The following SIGLEC7 variants were observed in gnomAD, a reference collection of about 807,000 sequenced individuals.
SIGLEC7 encodes the protein sialic acid-binding Ig-like lectin 7.
SIGLEC7 carries 33 observed loss-of-function variants against 40.8 expected under a neutral mutation model. That is an observed-to-expected ratio of 0.81 (90% CI 0.61 to 1.08). The LOEUF (loss-of-function observed/expected upper bound fraction) is 1.08. Among genes scored for constraint, SIGLEC7 ranks in the 50% least tolerant of loss-of-function variants. The pLI, the probability that SIGLEC7 is intolerant of heterozygous loss-of-function variation, is 0.00. For synonymous variants in SIGLEC7, 242 were observed against 237.6 expected (o/e 1.02, Z -0.17); for missense variants, 513 against 576.1 (o/e 0.89, Z 1.12).
chr19:51,150,896 C>T (rs111708762), intron 6 of SIGLEC7, among the ~76,000 whole-genome samples: 2,041 of 152,266 alleles, frequency 0.013, 55 homozygotes, highest in African/African-American at 0.045. Flanking sequence ...TGAATTGTGT[C>T]TGACTGCACA....
In SIGLEC7 at chr19:51,142,514, T is replaced by C. The variant is rs147827274; in HGVS notation, c.145T>C (p.Ser49Pro). ...GMCVHVRCSFSYPVDSQTDSD... is the reference protein window; with the variant it reads ...GMCVHVRCSFPYPVDSQTDSD... Reference sequence around the variant, plus strand: ...GTGTGTCCATGTGCGCTGCTCCTTCTCCTACCCAGTGGACAGCCAGACTGA... The same window carrying C: ...GTGTGTCCATGTGCGCTGCTCCTTCCCCTACCCAGTGGACAGCCAGACTGA... The change falls in exon 1 of 7, where the codon TCC (serine) becomes CCC (proline). Residue 49 changes from serine (S) to proline (P), a missense_variant. By Grantham distance (74) the Ser-to-Pro change is moderately conservative (BLOSUM62 -1). Transcript: ENST00000317643. This position sits in a 1 kb window ranked among gnomAD's most constrained non-coding sequence, Gnocchi z 5.0. The C allele has an allele frequency of 1.2e-6, 2 of 1,614,154 alleles. No individual in the cohort carries two copies. Among genetic ancestry groups the C allele is most frequent in the Non-Finnish European group, 1.7e-6 (2 of 1,180,022 alleles).
At chr19:51,152,285 C>G (rs1305852301) in intron 6 of SIGLEC7, among the ~76,000 whole-genome samples, 1 of 152,194 alleles carries the variant, frequency 6.6e-6, no homozygotes, top group Non-Finnish European at 1.5e-5. Flanking sequence ...TGTCATTCCA[C>G]TGGGCCCACC....
At chr19:51,152,675 A>G (rs913423048) in intron 6 of SIGLEC7, among the ~76,000 whole-genome samples, 6 of 152,192 alleles carry the variant, frequency 3.9e-5, no homozygotes, top group Non-Finnish European at 7.3e-5. Context: ...TGTGTCCACC[A>G]CAGTCCATCC....
chr19:51,142,446 A>G lies in SIGLEC7; in HGVS notation c.77A>G (p.Tyr26Cys). 6.2e-7 allele frequency: 1 copy of G among 1,614,106 alleles called. No individual in the cohort carries two copies. Among genetic ancestry groups the G allele is most frequent in the Non-Finnish European group, 8.5e-7 (1 of 1,180,008 alleles). The change falls in exon 1 of 7, where the codon TAC (tyrosine) becomes TGC (cysteine). Residue 26 changes from tyrosine to cysteine, a missense_variant. Transcript: ENST00000317643. This position sits in a 1 kb window ranked among gnomAD's most constrained non-coding sequence, Gnocchi z 5.0. ...GGACAGAAGAGTAACCGGAAGGATT[A>G]CTCGCTGACGATGCAGAGTTCCGTG... ...VEGQKSNRKD[Y>C]SLTMQSSVTV... is the part of the protein sequence containing the mutation.
chr19:51,148,798 C>A (rs2122909096), intron 6 of SIGLEC7, among the ~76,000 whole-genome samples: 1 of 152,344 alleles, frequency 6.6e-6, no homozygotes, highest in Non-Finnish European at 1.5e-5. Context: ...AATTTACACT[C>A]CTGCCGACAG....
Position 51,146,983 on chromosome 19 carries a change from G to T in SIGLEC7, c.1124+133G>T, listed in dbSNP as rs564566946. On this transcript the variant is annotated intron_variant, in intron 5 of 6. Transcript: ENST00000317643. ...GCAAGAATGAGCTCACGGGTGCGTG[G>T]CAAGAATTTCAAGAGCGCCCTTGTC... 82 of 1,050,716 alleles carry T rather than the reference G, an allele frequency of 7.8e-5. No individual in the cohort carries two copies. In the East Asian group the frequency reaches 1.8e-3, roughly 22 times the overall value. 65.1% of individuals were successfully genotyped at this position (1,050,716 alleles called of 1,614,324 possible). A position where few individuals can be genotyped will look rare whatever the true frequency, so the allele number is the denominator to read the frequency against.
At position 51,144,899 on chromosome 19, in the gene SIGLEC7, C is replaced by G; in HGVS notation, c.713-13C>G. 6.2e-7 allele frequency: 1 copy of G among 1,613,976 alleles called. No homozygotes were observed. The highest frequency in any genetic ancestry group is 1.1e-5 in the South Asian group (1 of 91,074). ...CTCACAGTGATGCAGGTCTCCATGT[C>G]TTTCTGTCCCAGACCCTCCTCAGAA... is the stretch of plus-strand genomic sequence containing the variant. On this transcript the variant is annotated splice_polypyrimidine_tract_variant and intron_variant, in intron 2 of 6. Coordinates refer to ENST00000317643, the MANE Select transcript of SIGLEC7 (RefSeq NM_014385.4).
chr19:51,146,814 C>G lies in SIGLEC7; in HGVS notation c.1088C>G (p.Ala363Gly). 1 of 1,614,082 alleles carries G rather than the reference C, an allele frequency of 6.2e-7. No homozygotes were observed. Among genetic ancestry groups the G allele is most frequent in the South Asian group, 1.1e-5 (1 of 91,082 alleles). Residue 363 changes from alanine to glycine, a missense_variant, in exon 5 of 7, where the codon GCC (alanine) becomes GGC (glycine). Coordinates refer to ENST00000317643, the MANE Select transcript of SIGLEC7 (RefSeq NM_014385.4). ...LGAVGGAGAT[A>G]LVFLSFCVIF... is the part of the protein sequence containing the mutation. ...GCGGTCGGGGGAGCTGGAGCCACAG[C>G]CCTGGTCTTCCTCTCCTTCTGTGTC... is the stretch of plus-strand genomic sequence containing the variant.
intron 6 of SIGLEC7, among the ~76,000 whole-genome samples, chr19:51,152,396 G>A (rs1431216329): frequency 2.0e-5 from 3 of 152,116 alleles, no homozygotes; most frequent in Non-Finnish European, 1.5e-5. Context: ...AGGTTTCAGG[G>A]GATTAGGGTA....
At chr19:51,150,112 C>G (rs1006689197) in intron 6 of SIGLEC7, among the ~76,000 whole-genome samples, 2 of 152,226 alleles carry the variant, frequency 1.3e-5, no homozygotes, top group Non-Finnish European at 2.9e-5. Context: ...TTAAATTCCT[C>G]TCTTCCTATT....
Position 51,144,413 on chromosome 19 carries a change from C to T in SIGLEC7, c.441C>T (p.Thr147=), listed in dbSNP as rs746078342. The T allele has an allele frequency of 6.2e-7, 1 of 1,608,474 alleles. No homozygotes were observed. The highest frequency in any genetic ancestry group is 1.7e-5 in the Admixed American group (1 of 59,886). The change falls in exon 2 of 7, where the codon ACC becomes ACT. Residue 147 remains threonine (T), a synonymous_variant. Coordinates refer to ENST00000317643, the MANE Select transcript of SIGLEC7 (RefSeq NM_014385.4). ...DQLSVNVTAL[T]HRPNILIPGT... is the part of the protein sequence containing the mutation. ...TCCCCCTCTCTTCACCAGCCTTGAC[C>T]CACAGGCCCAACATCCTTATCCCCG...
chr19:51,153,170 T>C lies in SIGLEC7; in HGVS notation c.1329T>C (p.His443=), dbSNP rs753800139. 4 of 1,609,834 alleles carry C rather than the reference T, an allele frequency of 2.5e-6. No homozygotes were observed. The highest frequency in any genetic ancestry group is 3.4e-5 in the Admixed American group (2 of 59,490). The part of the protein sequence containing the change: ...REIQYAPLSF[H]KGEPQDLSGQ... ...TCCAGTATGCACCCCTCAGCTTTCA[T>C]AAGGGGGAGCCTCAGGACCTATCAG... Residue 443 remains histidine, a synonymous_variant, in exon 7 of 7, where the codon CAT becomes CAC. Coordinates refer to ENST00000317643, the MANE Select transcript of SIGLEC7 (RefSeq NM_014385.4).
At chr19:51,152,008 T>A (rs1417752952) in intron 6 of SIGLEC7, among the ~76,000 whole-genome samples, 2 of 152,182 alleles carry the variant, frequency 1.3e-5, no homozygotes, top group African/African-American at 4.8e-5. Context: ...CAAATTACCA[T>A]GCATTTCCTG....
intron 6 of SIGLEC7, among the ~76,000 whole-genome samples, chr19:51,148,492 T>C (rs1297195966): frequency 3.3e-5 from 5 of 152,226 alleles, no homozygotes; most frequent in Non-Finnish European, 7.3e-5. Flanking sequence ...TCCAGCTCCA[T>C]CCATGTTCCC....
In SIGLEC7 at chr19:51,147,331, G is replaced by C; in HGVS notation, c.1221+14G>C. ...TCAGCCTCTCAGGTGAGTGATATGG[G>C]CGTCTCCACACCCAGCATCCAGCTG... On this transcript the variant is annotated intron_variant, in intron 6 of 6. Transcript: ENST00000317643. 6.2e-7 allele frequency: 1 copy of C among 1,600,896 alleles called. No homozygotes were observed. Among genetic ancestry groups the C allele is most frequent in the Middle Eastern group, 1.7e-4 (1 of 6,000 alleles).
chr19:51,142,868 C>A lies in SIGLEC7; in HGVS notation c.433+66C>A. On this transcript the variant is annotated intron_variant, in intron 1 of 6. Coordinates refer to ENST00000317643, the MANE Select transcript of SIGLEC7 (RefSeq NM_014385.4). This position sits in a 1 kb window ranked among gnomAD's most constrained non-coding sequence, Gnocchi z 5.0. ...TGAGGGCTTTAGGGCACGGCTGAGACGGGACACATGTCCTGGGAGGGGGCC... is the reference window on the plus strand; with the variant it reads ...TGAGGGCTTTAGGGCACGGCTGAGAAGGGACACATGTCCTGGGAGGGGGCC... 2.0e-6 allele frequency: 3 copies of A among 1,481,774 alleles called. No individual in the cohort carries two copies. Among genetic ancestry groups the A allele is most frequent in the Non-Finnish European group, 2.7e-6 (3 of 1,092,818 alleles). The allele number at this position is 1,481,774 out of a possible 1,614,324, so 91.8% of individuals were successfully genotyped here.
intron 1 of SIGLEC7, chr19:51,144,131 T>C: frequency 4.2e-6 from 3 of 715,440 alleles, no homozygotes; most frequent in Admixed American, 1.8e-5. Context: ...TTTGAGGAAC[T>C]ACTACTTCCA....
intron 6 of SIGLEC7, among the ~76,000 whole-genome samples, chr19:51,149,003 T>C (rs935637465): frequency 3.9e-5 from 6 of 152,240 alleles, no homozygotes; most frequent in African/African-American, 1.4e-4. Context: ...TTTGCTCACT[T>C]TTTAATGGGG....
chr19:51,144,226 C>A, intron 1 of SIGLEC7, 180 bp from the exon 2 acceptor site: 1 of 906,436 alleles, frequency 1.1e-6, no homozygotes, highest in Non-Finnish European at 1.7e-6. Flanking sequence ...CTCCAGGAGA[C>A]ACCACAGGGA....
Sources: gnomAD v4.1 joint callset for allele counts (sites outside exome capture counted in the v4.1 genomes callset) on GRCh38, gnomAD v4.1.1 for gene constraint, Gnocchi (gnomAD v3.1) non-coding constraint, MANE v1.5 for transcripts, NCBI Gene and HGNC (gene_info 2026-07-23, HGNC 2026-07-21) for gene names.